The following COL22A1 variants were observed in gnomAD, a reference collection of about 807,000 sequenced individuals.
COL22A1 encodes the protein collagen alpha-1(XXII) chain.
Under a neutral mutation model 248.9 loss-of-function variants are expected in COL22A1, and 221 were observed. That is an observed-to-expected ratio of 0.89 (90% CI 0.80 to 0.99). The LOEUF is 0.99. Among genes scored for constraint, COL22A1 ranks in the 50% least tolerant of loss-of-function variants. The probability of loss-of-function intolerance (pLI) is 0.00; values close to 1 mark genes in which losing one functional copy is unlikely to be tolerated. For missense variants in COL22A1, 2,240 were observed against 2,179.0 expected (o/e 1.03, Z -0.56); for synonymous variants, 891 against 793.4 (o/e 1.12, Z -2.07).
intron 10 of COL22A1, among the ~76,000 whole-genome samples, chr8:138,805,361 G>A (rs1479094055): frequency 1.0e-4 from 8 of 80,088 alleles, no homozygotes; most frequent in Non-Finnish European, 1.7e-4. Flanking sequence ...GTGTGATGGT[G>A]TGCATGGGTG....
In COL22A1 at chr8:138,878,050, C is replaced by A. The variant is rs1441984662; in HGVS notation, c.358G>T (p.Ala120Ser). 6.9e-6 allele frequency: 11 copies of A among 1,593,826 alleles called. No homozygotes were observed. The highest frequency in any genetic ancestry group is 2.3e-5 in the East Asian group (1 of 43,972). ...YHGGNTNTGD[A>S]LRYITARSFS... ...CTGCGGGCCGTGATGTAGCGGAGCG[C>A]GTCTCCCGTGTTGGTGTTGCCCCCG... Residue 120 changes from alanine to serine, a missense_variant, in exon 3 of 65, where the codon GCG becomes TCG. Transcript: ENST00000303045.
chr8:138,613,105 G>A (rs560614172), intron 56 of COL22A1, among the ~76,000 whole-genome samples: 15 of 149,434 alleles, frequency 1.0e-4, no homozygotes, highest in East Asian at 4.0e-4. Context: ...AAATTTAGCC[G>A]GGCGTGGTGG....
chr8:138,642,916 C>T (rs1286033927), intron 47 of COL22A1, among the ~76,000 whole-genome samples: 1 of 151,880 alleles, frequency 6.6e-6, no homozygotes, highest in Non-Finnish European at 1.5e-5. Context: ...GTAGTCCCAG[C>T]TACTCAGGGG....
intron 48 of COL22A1, among the ~76,000 whole-genome samples, chr8:138,636,480 A>AGAAAGGAAAG (rs758849864): frequency 0.05 from 2,343 of 46,550 alleles, 257 homozygotes; most frequent in African/African-American, 0.091. Flanking sequence ...AAGAGAAGGA[A>AGAAAGGAAAG]GAAAGGAAAG....
intron 16 of COL22A1, among the ~76,000 whole-genome samples, chr8:138,769,293 G>A (rs992616568): frequency 6.6e-6 from 1 of 152,192 alleles, no homozygotes. Context: ...GCTGTACTCG[G>A]ACCACATAAC....
At chr8:138,866,052 T>TG (rs922447627) in intron 3 of COL22A1, among the ~76,000 whole-genome samples, 153 of 152,186 alleles carry the variant, frequency 1.0e-3, no homozygotes, top group African/African-American at 3.5e-3. Context: ...TGTGTTTGTG[T>TG]GGGGGTAAAT....
chr8:138,679,889 T>A (rs1825829357), intron 39 of COL22A1, among the ~76,000 whole-genome samples: 1 of 152,184 alleles, frequency 6.6e-6, no homozygotes, highest in African/African-American at 2.4e-5. Context: ...GGCATTGAGA[T>A]CTGCCTTTGA....
chr8:138,613,942 G>A (rs373556513), intron 55 of COL22A1, 22 bp from the exon 56 acceptor site: 1 of 1,585,124 alleles, frequency 6.3e-7, no homozygotes, highest in Non-Finnish European at 8.7e-7. Flanking sequence ...ACAGAGAGAT[G>A]GTGTCATCAT....
intron 30 of COL22A1, among the ~76,000 whole-genome samples, chr8:138,708,373 C>T (rs1306226066): frequency 6.6e-6 from 1 of 152,184 alleles, no homozygotes; most frequent in African/African-American, 2.4e-5. Context: ...ATCAGGCTAC[C>T]TGATTTCAAA....
chr8:138,728,827 C>T (rs550015491), intron 23 of COL22A1, among the ~76,000 whole-genome samples: 58 of 152,112 alleles, frequency 3.8e-4, no homozygotes, highest in Non-Finnish European at 7.5e-4. Context: ...GATTCAGAGA[C>T]AGCAGGTCAG....
intron 16 of COL22A1, among the ~76,000 whole-genome samples, chr8:138,766,649 C>G (rs1019424832): frequency 6.6e-6 from 1 of 152,030 alleles, no homozygotes; most frequent in Admixed American, 6.6e-5. Context: ...CAGACAGAGA[C>G]AGACGCAGAG....
At chr8:138,663,824 G>A (rs1353746034) in intron 41 of COL22A1, 84 bp from the exon 42 acceptor site, 1 of 1,040,182 alleles carries the variant, frequency 9.6e-7, no homozygotes, top group Non-Finnish European at 1.5e-6. Flanking sequence ...CCATAGACAG[G>A]TCCTCAGTTG....
At position 138,725,910 on chromosome 8, in the gene COL22A1, C is replaced by T. The variant is rs918605729; in HGVS notation, c.2140-470G>A. On this transcript the variant is annotated intron_variant, in intron 23 of 64. Transcript: ENST00000303045. ...ACCAGGGGTGAGTAAAAAGATCTCA[C>T]GCCCAGGCCTTCTGGTTCTCTAGGT... is the stretch of plus-strand genomic sequence containing the variant. Among the ~76,000 whole-genome samples, 5 of 152,260 alleles carry T rather than the reference C, an allele frequency of 3.3e-5. No individual in the cohort carries two copies. The South Asian group carries it at 1.0e-3, about 32-fold the overall frequency.
At position 138,651,468 on chromosome 8, in the gene COL22A1, C is replaced by T. The variant is rs117819222; in HGVS notation, c.3334-1690G>A. The stretch of plus-strand genomic sequence containing the variant: ...ATTAACTGTCCACCTGACATTCTGG[C>T]GACTTGTGCCATCTTCTTTTAGTGG... On this transcript the variant is annotated intron_variant, in intron 45 of 64. Transcript: ENST00000303045. Among the ~76,000 whole-genome samples the T allele has an allele frequency of 9.8e-5, 15 of 152,290 alleles. No homozygotes were observed. The East Asian group carries it at 2.7e-3, about 27-fold the overall frequency.
At position 138,681,360 on chromosome 8, in the gene COL22A1, T is replaced by C. The variant is rs1023376062; in HGVS notation, c.3013-1684A>G. Among the ~76,000 whole-genome samples the C allele has an allele frequency of 7.2e-5, 11 of 152,156 alleles. No homozygotes were observed. In the South Asian group the frequency reaches 1.0e-3, roughly 14 times the overall value. On this transcript the variant is annotated intron_variant, in intron 39 of 64. Transcript: ENST00000303045. ...CCCATCAGTGGATCTTTGGGATCCA[T>C]TGGATCAGTGGATCACTAAGATCCC... is the stretch of plus-strand genomic sequence containing the variant.
intron 12 of COL22A1, among the ~76,000 whole-genome samples, chr8:138,785,142 G>T (rs1377999568): frequency 1.3e-5 from 2 of 152,152 alleles, no homozygotes; most frequent in Non-Finnish European, 2.9e-5. Flanking sequence ...CCTCTCCAGG[G>T]ATTCTGCCCT....
chr8:138,780,809 C>T (rs1374594738), intron 13 of COL22A1, 118 bp downstream of exon 13: 29 of 816,918 alleles, frequency 3.5e-5, no homozygotes, highest in East Asian at 1.7e-4. Context: ...AATATAAATA[C>T]GTCCCCACTC....
chr8:138,690,756 T>C (rs1382795638), intron 36 of COL22A1, 65 bp downstream of exon 36: 2 of 1,346,764 alleles, frequency 1.5e-6, no homozygotes, highest in East Asian at 2.5e-5. Context: ...CCTCTGGCTT[T>C]TGGGGAGGAT....
intron 1 of COL22A1, among the ~76,000 whole-genome samples, chr8:138,890,422 A>G (rs909765311): frequency 2.0e-5 from 3 of 152,182 alleles, no homozygotes; most frequent in African/African-American, 7.2e-5. Flanking sequence ...GAAAAGGAAG[A>G]GGTAAAATTA....
Sources: gnomAD v4.1 joint callset for allele counts (sites outside exome capture counted in the v4.1 genomes callset) on GRCh38, gnomAD v4.1.1 for gene constraint, MANE v1.5 for transcripts, NCBI Gene and HGNC (gene_info 2026-07-23, HGNC 2026-07-21) for gene names.